The following OPHN1 variants were observed in gnomAD, a reference collection of about 807,000 sequenced individuals.
OPHN1 encodes oligophrenin 1.
Under a neutral mutation model 60.7 loss-of-function variants are expected in OPHN1, and 11 were observed. The ratio of observed to expected loss-of-function variants is 0.18; its 90% CI spans 0.11 to 0.30. The LOEUF (loss-of-function observed/expected upper bound fraction) is 0.30. Among genes scored for constraint, OPHN1 ranks in the 10% least tolerant of loss-of-function variants. The probability of loss-of-function intolerance (pLI) is 1.00; values close to 1 mark genes in which losing one functional copy is unlikely to be tolerated. For synonymous variants in OPHN1, 226 were observed against 222.6 expected, an observed-to-expected ratio of 1.02 and a Z score of -0.14; for missense variants, 449 against 611.0, an observed-to-expected ratio of 0.73 and a Z score of 2.80.
At position 68,291,958 on chromosome X, in the gene OPHN1, G is replaced by A. The variant is rs773293597; in HGVS notation, c.250+7043C>T. ...CAGGAAGCACCATGAAATCAAAAGA[G>A]ATGTTCAGACTTCCCTAGCTTAAAT... On this transcript the variant is annotated intron_variant, in intron 3 of 24. Transcript: ENST00000355520. 1.9e-3 allele frequency among the ~76,000 whole-genome samples: 217 copies of A among 111,808 alleles called. 1 individual carries two copies. The highest frequency in any genetic ancestry group is 6.5e-3 in the African/African-American group (200 of 30,793).
At chrX:68,296,791 CCTGT>C (rs2078097880) in intron 3 of OPHN1, among the ~76,000 whole-genome samples, 1 of 110,344 alleles carries the variant, frequency 9.1e-6, no homozygotes, top group Admixed American at 9.8e-5. Context: ...AGAGCAAGAC[CCTGT>C]CTTTCTTTCT....
At chrX:68,162,217 CAGGAAAGCAATATGATCTGGG>C (rs1254335484) in intron 15 of OPHN1, among the ~76,000 whole-genome samples, 1 of 110,319 alleles carries the variant, frequency 9.1e-6, no homozygotes, top group Non-Finnish European at 1.9e-5. Flanking sequence ...TGTATCAGAA[CAGGAAAGCAATATGATCTGGG>C]AGGGTTATGT....
chrX:68,110,436 G>A (rs2077099252), intron 18 of OPHN1, among the ~76,000 whole-genome samples: 1 of 111,400 alleles, frequency 9.0e-6, no homozygotes, highest in Admixed American at 9.6e-5. Context: ...TGAGTCCTTG[G>A]GTCTCGTCAC....
At chrX:68,067,552 T>A (rs1292358558) in intron 20 of OPHN1, among the ~76,000 whole-genome samples, 1 of 110,862 alleles carries the variant, frequency 9.0e-6, no homozygotes, top group Non-Finnish European at 1.9e-5. Context: ...TTTGGGTTCA[T>A]TACGAAAAGT....
chrX:68,111,368 C>T (rs975164020), intron 18 of OPHN1, among the ~76,000 whole-genome samples: 1 of 112,384 alleles, frequency 8.9e-6, no homozygotes, highest in Non-Finnish European at 1.9e-5. Context: ...TCCAGGATCC[C>T]GCTGTCTGTT....
intron 19 of OPHN1, among the ~76,000 whole-genome samples, chrX:68,080,013 T>C (rs940305280): frequency 9.0e-6 from 1 of 111,716 alleles, no homozygotes; most frequent in Non-Finnish European, 1.9e-5. Flanking sequence ...GTTCCTTCTG[T>C]CTCCAGCCAC....
chrX:68,330,193 G>A, intron 2 of OPHN1, among the ~76,000 whole-genome samples: 1 of 109,226 alleles, frequency 9.2e-6, no homozygotes, highest in Non-Finnish European at 1.9e-5. Context: ...TCCACCTCCT[G>A]GGTTCAAGCG....
At chrX:68,102,737 A>G (rs186451519) in intron 18 of OPHN1, among the ~76,000 whole-genome samples, 178 of 112,173 alleles carry the variant, frequency 1.6e-3, no homozygotes, top group African/African-American at 5.4e-3. Context: ...ATCAGAGAAT[A>G]CTATAAATAC....
intron 6 of OPHN1, among the ~76,000 whole-genome samples, chrX:68,220,543 G>A (rs1480473096): frequency 3.8e-4 from 36 of 95,280 alleles, no homozygotes; most frequent in African/African-American, 1.3e-3. Flanking sequence ...TAAAATACTG[G>A]CAAAACGAAT....
At chrX:68,268,022 G>C (rs1385040797) in intron 5 of OPHN1, among the ~76,000 whole-genome samples, 1 of 111,651 alleles carries the variant, frequency 9.0e-6, no homozygotes, top group East Asian at 2.8e-4. Flanking sequence ...TAACAGGTCT[G>C]AAATTGAGGC....
chrX:68,214,765 G>A (rs1433738833), intron 6 of OPHN1, among the ~76,000 whole-genome samples: 1 of 111,860 alleles, frequency 8.9e-6, no homozygotes, highest in Non-Finnish European at 1.9e-5. Flanking sequence ...GGGAGGCCGA[G>A]GTGGGTAGAT....
At chrX:68,156,152 C>A (rs1464721480) in intron 15 of OPHN1, among the ~76,000 whole-genome samples, 1 of 110,166 alleles carries the variant, frequency 9.1e-6, no homozygotes, top group Admixed American at 9.7e-5. Context: ...TCAGAAATTT[C>A]TTAAAGAAAG....
intron 2 of OPHN1, among the ~76,000 whole-genome samples, chrX:68,317,509 AAG>A (rs1204107386): frequency 3.3e-5 from 2 of 60,914 alleles, no homozygotes; most frequent in Admixed American, 1.7e-4. Flanking sequence ...GAGGGAGGGA[AAG>A]AGAGAGAGAA....
At chrX:68,207,132 A>ATT (rs35644656) in intron 9 of OPHN1, among the ~76,000 whole-genome samples, 3 of 96,333 alleles carry the variant, frequency 3.1e-5, no homozygotes, top group East Asian at 3.2e-4. Flanking sequence ...TTTTGTTTTA[A>ATT]TTTTTTTTTT....
At chrX:68,317,599 G>A (rs867454187) in intron 2 of OPHN1, among the ~76,000 whole-genome samples, 1,592 of 82,300 alleles carry the variant, frequency 0.019, 104 homozygotes, top group African/African-American at 0.095. Context: ...GAGAGAGAAA[G>A]AAAAAAGAAA....
At chrX:68,153,073 T>C (rs1299280186) in intron 15 of OPHN1, among the ~76,000 whole-genome samples, 1 of 107,662 alleles carries the variant, frequency 9.3e-6, no homozygotes, top group Non-Finnish European at 1.9e-5. Flanking sequence ...CAGCTGGGTG[T>C]GGTGGCGGGT....
chrX:68,058,782 T>A (rs2076882717), intron 21 of OPHN1, among the ~76,000 whole-genome samples: 1 of 111,831 alleles, frequency 8.9e-6, no homozygotes, highest in South Asian at 3.8e-4. Flanking sequence ...ATGGTGGTAT[T>A]GTCCCCACTT....
At chrX:68,328,536 A>G (rs1384441110) in intron 2 of OPHN1, among the ~76,000 whole-genome samples, 2 of 112,719 alleles carry the variant, frequency 1.8e-5, no homozygotes, top group African/African-American at 3.2e-5. Context: ...GAAAATAAAT[A>G]TATTTTAACA....
intron 4 of OPHN1, among the ~76,000 whole-genome samples, chrX:68,278,548 T>C (rs1669645023): frequency 8.8e-6 from 1 of 113,165 alleles, no homozygotes; most frequent in Non-Finnish European, 1.9e-5. Context: ...CAGTCCAGTA[T>C]TGCAGGACTG....
Sources: gnomAD v4.1 joint callset for allele counts (sites outside exome capture counted in the v4.1 genomes callset) on GRCh38, gnomAD v4.1.1 for gene constraint, MANE v1.5 for transcripts, NCBI Gene and HGNC (gene_info 2026-07-23, HGNC 2026-07-21) for gene names.